The following TMEM168 variants were observed in gnomAD, a reference collection of about 807,000 sequenced individuals.
TMEM168 encodes the protein transmembrane protein 168.
TMEM168 carries 40 observed loss-of-function variants against 53.2 expected under a neutral mutation model. That is an observed-to-expected ratio of 0.75 (90% CI 0.58 to 0.98). TMEM168 has a LOEUF of 0.98. Among genes scored for constraint, TMEM168 ranks in the 50% least tolerant of loss-of-function variants. TMEM168 has a pLI of 0.00. For missense variants in TMEM168, 771 were observed against 828.8 expected (o/e 0.93, Z 0.86); for synonymous variants, 282 against 293.0 (o/e 0.96, Z 0.38).
At chr7:112,770,537 T>A (rs1227172) in intron 4 of TMEM168, among the ~76,000 whole-genome samples, 62,617 of 151,914 alleles carry the variant, frequency 0.41, 16,314 homozygotes, top group African/African-American at 0.74. Flanking sequence ...TCTATTTTAG[T>A]GTTCTTAAAG....
intron 3 of TMEM168, 101 bp downstream of exon 3, chr7:112,775,075 T>A: frequency 9.8e-7 from 1 of 1,022,774 alleles, no homozygotes; most frequent in Non-Finnish European, 1.3e-6. Flanking sequence ...CAAGTTATAT[T>A]TTGAAAACAG....
chr7:112,775,083 C>G (rs1318650683), intron 3 of TMEM168, 93 bp downstream of exon 3: 1 of 1,074,288 alleles, frequency 9.3e-7, no homozygotes, highest in African/African-American at 1.6e-5. Flanking sequence ...ATTTTGAAAA[C>G]AGTTTTGAAA....
In TMEM168 at chr7:112,784,147, C is replaced by T; in HGVS notation, c.679G>A (p.Ala227Thr). 1 of 1,613,824 alleles carries T rather than the reference C, an allele frequency of 6.2e-7. No individual in the cohort carries two copies. Among genetic ancestry groups the T allele is most frequent in the Middle Eastern group, 1.6e-4 (1 of 6,062 alleles). ...GTTATCAGGCAAATAAAAAAACACG[C>T]AAAAGCAATCGGATTTTTGGGAGTT... ...LETPKNPIAF[A>T]CFFICLITDP... The change falls in exon 2 of 5, where the codon GCG becomes ACG. Residue 227 changes from alanine (A) to threonine (T), a missense_variant. Transcript: ENST00000312814.
intron 2 of TMEM168, among the ~76,000 whole-genome samples, chr7:112,779,379 A>G (rs1364714624): frequency 2.0e-5 from 3 of 152,232 alleles, no homozygotes; most frequent in Admixed American, 6.5e-5. Context: ...GTCCAGGGGA[A>G]GCCAAAATAA....
rs1379482104 is a variant in TMEM168, at chr7:112,784,298, C to A, written c.528G>T (p.Lys176Asn). 1.2e-6 allele frequency: 2 copies of A among 1,614,178 alleles called. No individual in the cohort carries two copies. Among genetic ancestry groups the A allele is most frequent in the Non-Finnish European group, 1.7e-6 (2 of 1,180,020 alleles). ...AIASTTMLVE[K>N]SLSVILLVVA... The stretch of plus-strand genomic sequence containing the variant: ...CAACAAGCAAAATGACACTCAGAGA[C>A]TTCTCCACCAACATAGTTGTGCTGG... Residue 176 changes from lysine (K) to asparagine (N), a missense_variant, in exon 2 of 5, where the codon AAG becomes AAT. Lys to Asn is a moderately conservative substitution (Grantham distance 94). Coordinates refer to ENST00000312814, the MANE Select transcript of TMEM168 (RefSeq NM_022484.6).
intron 2 of TMEM168, among the ~76,000 whole-genome samples, chr7:112,783,415 A>G (rs916406208): frequency 4.6e-5 from 7 of 152,232 alleles, no homozygotes; most frequent in African/African-American, 1.7e-4. Context: ...AAATGTTAGT[A>G]TTCTAAGACT....
intron 2 of TMEM168, among the ~76,000 whole-genome samples, chr7:112,781,193 C>T (rs1235606646): frequency 5.3e-5 from 8 of 151,622 alleles, no homozygotes; most frequent in Non-Finnish European, 1.0e-4. Flanking sequence ...ATTTTCATCT[C>T]TCTCAGTATT....
intron 4 of TMEM168, among the ~76,000 whole-genome samples, chr7:112,770,654 T>C (rs961298008): frequency 7.2e-5 from 11 of 152,176 alleles, no homozygotes; most frequent in Admixed American, 5.2e-4. Context: ...CTTAGAAAAA[T>C]AAAAAGCTGA....
At chr7:112,787,961 A>T (rs1793438017) in intron 1 of TMEM168, among the ~76,000 whole-genome samples, 1 of 151,048 alleles carries the variant, frequency 6.6e-6, no homozygotes, top group Admixed American at 6.6e-5. Flanking sequence ...TGAACTCCCG[A>T]CCTCAGGTGA....
chr7:112,785,371 C>T (rs955862297), intron 1 of TMEM168, among the ~76,000 whole-genome samples: 1 of 152,212 alleles, frequency 6.6e-6, no homozygotes, highest in African/African-American at 2.4e-5. Context: ...TTGAAAAGCA[C>T]TTGTATATAT....
chr7:112,777,089 TG>T (rs1793105132), intron 2 of TMEM168, among the ~76,000 whole-genome samples: 1 of 152,124 alleles, frequency 6.6e-6, no homozygotes, highest in African/African-American at 2.4e-5. Flanking sequence ...ATAGTTTCAA[TG>T]AAAGTCTTTT....
chr7:112,789,777 A>G (rs763283447), intron 1 of TMEM168, among the ~76,000 whole-genome samples: 2 of 152,206 alleles, frequency 1.3e-5, no homozygotes, highest in East Asian at 1.9e-4. Flanking sequence ...TAACTCTTTG[A>G]GCCATCTCAT....
intron 1 of TMEM168, among the ~76,000 whole-genome samples, chr7:112,787,096 C>T (rs186017391): frequency 4.6e-4 from 70 of 152,292 alleles, no homozygotes; most frequent in African/African-American, 1.6e-3. Context: ...TTATTTTATC[C>T]ATTAGTATTT....
At chr7:112,777,698 C>G (rs886831538) in intron 2 of TMEM168, among the ~76,000 whole-genome samples, 1 of 152,124 alleles carries the variant, frequency 6.6e-6, no homozygotes, top group Non-Finnish European at 1.5e-5. Flanking sequence ...ATTTCCTGAT[C>G]TAAATTTCTA....
chr7:112,771,681 A>G (rs1792933480), intron 4 of TMEM168, among the ~76,000 whole-genome samples: 1 of 152,112 alleles, frequency 6.6e-6, no homozygotes, highest in Admixed American at 6.6e-5. Context: ...GTTTAAAATC[A>G]TCTCTACCTT....
chr7:112,782,572 A>G (rs2116290364), intron 2 of TMEM168, among the ~76,000 whole-genome samples: 1 of 152,296 alleles, frequency 6.6e-6, no homozygotes, highest in Middle Eastern at 3.4e-3. Flanking sequence ...AGTAAGGACA[A>G]TATCCTCAGG....
chr7:112,784,511 G>A lies in TMEM168; in HGVS notation c.315C>T (p.Leu105=). Residue 105 remains leucine (L), a synonymous_variant, in exon 2 of 5, where the codon CTC becomes CTT. Transcript: ENST00000312814. ...SNLWFGFLLG[L]LCFLDNSSFK... ...AGGATGAATTATCAAGAAAACATAG[G>A]AGGCCAAGCAAGAATCCAAACCAAA... is the stretch of plus-strand genomic sequence containing the variant. 2 of 1,614,040 alleles carry A rather than the reference G, an allele frequency of 1.2e-6. No individual in the cohort carries two copies. Among genetic ancestry groups the A allele is most frequent in the Non-Finnish European group, 1.7e-6 (2 of 1,179,968 alleles).
chr7:112,786,508 T>A (rs949893083), intron 1 of TMEM168, among the ~76,000 whole-genome samples: 1 of 152,192 alleles, frequency 6.6e-6, no homozygotes, highest in African/African-American at 2.4e-5. Flanking sequence ...AGGTACCACA[T>A]AATGTTAAAG....
rs1008174429 is a variant in TMEM168 at position 112,764,260 on chromosome 7, G to A, written c.*2937C>T. The A allele has an allele frequency of 9.2e-5, 14 of 151,814 alleles. No homozygotes were observed. Among genetic ancestry groups the A allele is most frequent in the African/African-American group, 3.4e-4 (14 of 41,368 alleles). The allele number at this position is 151,814 out of a possible 1,614,324, so 9.4% of individuals were successfully genotyped here. On this transcript the variant is annotated 3_prime_UTR_variant, in exon 5 of 5. Transcript: ENST00000312814. ...TTGTGGTTTTAGCAAGGTATCACAT[G>A]AGGAAACAAATACTAAACAAAGTTA...
Sources: allele counts gnomAD v4.1 joint callset (sites outside exome capture counted in the v4.1 genomes callset), GRCh38; gene constraint gnomAD v4.1.1; transcripts MANE v1.5; gene names NCBI Gene and HGNC (gene_info 2026-07-23, HGNC 2026-07-21).